KLF8: variants seen among roughly 807,000 people sequenced by gnomAD.
KLF8 encodes the protein Krueppel-like factor 8.
Under a neutral mutation model 18.2 loss-of-function variants are expected in KLF8, and 10 were observed. The observed-to-expected ratio is 0.55, with a 90% CI of 0.34 to 0.93. The LOEUF is 0.93. Among genes scored for constraint, KLF8 ranks in the 40% least tolerant of loss-of-function variants. The pLI, the probability that KLF8 is intolerant of heterozygous loss-of-function variation, is 0.02. For synonymous variants in KLF8, 109 were observed against 97.3 expected, an observed-to-expected ratio of 1.12 and a Z score of -0.71; for missense variants, 264 against 277.9, an observed-to-expected ratio of 0.95 and a Z score of 0.36.
chrX:55,996,174 G>C, the KLF8 span, among the ~76,000 whole-genome samples: 1 of 111,769 alleles, frequency 8.9e-6, no homozygotes, highest in African/African-American at 3.2e-5. Context: ...ACTTCTGATT[G>C]TATTATGAAA....
chrX:55,965,992 G>A, the KLF8 span, among the ~76,000 whole-genome samples: 7 of 112,232 alleles, frequency 6.2e-5, no homozygotes, highest in African/African-American at 2.3e-4. Context: ...ATCAATGTTA[G>A]CCTACAGCAC....
the KLF8 span, among the ~76,000 whole-genome samples, chrX:56,055,053 T>A: frequency 8.0e-5 from 9 of 111,867 alleles, no homozygotes; most frequent in Admixed American, 7.6e-4. Context: ...TGCCATTTAA[T>A]TGGGGCATTT....
chrX:56,090,998 A>G, the KLF8 span, among the ~76,000 whole-genome samples: 1 of 112,058 alleles, frequency 8.9e-6, no homozygotes, highest in Admixed American at 9.5e-5. Flanking sequence ...TACACATACC[A>G]CGTTTTCTTC....
chrX:56,052,232 G>C, the KLF8 span, among the ~76,000 whole-genome samples: 1 of 111,248 alleles, frequency 9.0e-6, no homozygotes, highest in African/African-American at 3.3e-5. Flanking sequence ...CCATAGCTCA[G>C]AGTAATTTGA....
chrX:56,041,706 T>G, the KLF8 span, among the ~76,000 whole-genome samples: 2 of 93,720 alleles, frequency 2.1e-5, no homozygotes, highest in South Asian at 4.4e-4. Flanking sequence ...TGTTGTTGTT[T>G]TTGAGATCGA....
At chrX:56,052,450 G>T in the KLF8 span, among the ~76,000 whole-genome samples, 1 of 111,841 alleles carries the variant, frequency 8.9e-6, no homozygotes, top group East Asian at 2.8e-4. Context: ...GGTTTTTGGT[G>T]TGGATGTCCT....
chrX:56,005,084 C>T, the KLF8 span, among the ~76,000 whole-genome samples: 1 of 108,521 alleles, frequency 9.2e-6, no homozygotes, highest in Non-Finnish European at 1.9e-5. Flanking sequence ...GGTCTGTCGC[C>T]CAGGCTGGAA....
chrX:56,173,778 G>A, the KLF8 span, among the ~76,000 whole-genome samples: 2 of 111,525 alleles, frequency 1.8e-5, no homozygotes, highest in Non-Finnish European at 3.8e-5. Context: ...ATTTCATTGA[G>A]CAGTGGTTTG....
At chrX:56,127,435 A>G in the KLF8 span, among the ~76,000 whole-genome samples, 3 of 110,862 alleles carry the variant, frequency 2.7e-5, no homozygotes, top group Non-Finnish European at 5.7e-5. Context: ...TTGAGGTGGG[A>G]GGATTCCTTG....
the KLF8 span, among the ~76,000 whole-genome samples, chrX:56,223,724 A>G: frequency 1.8e-5 from 2 of 112,310 alleles, no homozygotes; most frequent in Non-Finnish European, 3.8e-5. Flanking sequence ...TTACTAAGCC[A>G]AATTTCTAAG....
At chrX:56,177,003 T>C in the KLF8 span, among the ~76,000 whole-genome samples, 1 of 111,347 alleles carries the variant, frequency 9.0e-6, no homozygotes, top group South Asian at 3.8e-4. Context: ...TAGCCATTCG[T>C]CTAATTTTTT....
At chrX:55,936,772 C>T in the KLF8 span, among the ~76,000 whole-genome samples, 1 of 110,780 alleles carries the variant, frequency 9.0e-6, no homozygotes, top group African/African-American at 3.3e-5. Context: ...TGGATCCTGG[C>T]TGTTTGTTAG....
the KLF8 span, among the ~76,000 whole-genome samples, chrX:56,197,988 CA>C: frequency 8.9e-6 from 1 of 111,864 alleles, no homozygotes; most frequent in Non-Finnish European, 1.9e-5. Flanking sequence ...AGACAAAAAC[CA>C]CATGATTATC....
chrX:56,177,239 A>T, the KLF8 span, among the ~76,000 whole-genome samples: 1 of 110,300 alleles, frequency 9.1e-6, no homozygotes, highest in Admixed American at 9.8e-5. Flanking sequence ...GGTTTTATCT[A>T]CCTTTGGTCT....
chrX:56,082,675 T>G, the KLF8 span, among the ~76,000 whole-genome samples: 1 of 111,478 alleles, frequency 9.0e-6, no homozygotes, highest in South Asian at 3.7e-4. Flanking sequence ...TATTTTACCA[T>G]TTCTCTCATG....
the KLF8 span, among the ~76,000 whole-genome samples, chrX:55,996,676 G>T: frequency 9.0e-6 from 1 of 111,717 alleles, no homozygotes; most frequent in Non-Finnish European, 1.9e-5. Context: ...AATTCTGGGG[G>T]CTGGTACCAG....
At chrX:56,283,459 C>T (rs961628334) in intron 5 of KLF8, among the ~76,000 whole-genome samples, 1 of 111,938 alleles carries the variant, frequency 8.9e-6, no homozygotes, top group Non-Finnish European at 1.9e-5. Flanking sequence ...GCAAGCTCCG[C>T]TTCCCGGGTT....
chrX:56,203,152 T>A, the KLF8 span, among the ~76,000 whole-genome samples: 1 of 112,564 alleles, frequency 8.9e-6, no homozygotes, highest in Non-Finnish European at 1.9e-5. Flanking sequence ...CATTGTAGTT[T>A]TGATTTGCAT....
At chrX:56,185,257 T>C in the KLF8 span, among the ~76,000 whole-genome samples, 1 of 111,628 alleles carries the variant, frequency 9.0e-6, no homozygotes, top group Admixed American at 9.5e-5. Context: ...CAAGATCAAC[T>C]GGAAGAAAGG....
Sources: allele counts gnomAD v4.1 joint callset (sites outside exome capture counted in the v4.1 genomes callset), GRCh38; gene constraint gnomAD v4.1.1; transcripts MANE v1.5; gene names NCBI Gene and HGNC (gene_info 2026-07-23, HGNC 2026-07-21).